Variants in RPS6KA5 observed in about 807,000 individuals in gnomAD.
RPS6KA5 encodes the protein ribosomal protein S6 kinase alpha-5.
A neutral mutation model predicts 85.5 loss-of-function variants in RPS6KA5; 27 were observed. That is an observed-to-expected ratio of 0.32 (90% confidence interval 0.23 to 0.44). The LOEUF is 0.44. Among genes scored for constraint, RPS6KA5 ranks in the 20% least tolerant of loss-of-function variants. RPS6KA5 has a pLI of 1.00. For synonymous variants in RPS6KA5, 334 were observed against 348.2 expected (o/e 0.96, Z 0.46); for missense variants, 811 against 980.9 (o/e 0.83, Z 2.31).
At position 91,060,463 on chromosome 14, in the gene RPS6KA5, C is replaced by A; in HGVS notation, c.-29G>T. ...CTCCTTTTTTTCCGATCCCGCGGGT[C>A]GCTACGAGGGGAACCCAGGAGACAG... On this transcript the variant is annotated 5_prime_UTR_variant, in exon 1 of 17. Coordinates refer to ENST00000614987, the MANE Select transcript of RPS6KA5 (RefSeq NM_004755.4). The A allele has an allele frequency of 7.1e-7, 1 of 1,412,226 alleles. No homozygotes were observed. Among genetic ancestry groups the A allele is most frequent in the Non-Finnish European group, 9.4e-7 (1 of 1,068,814 alleles). The allele number at this position is 1,412,226 out of a possible 1,614,324, so 87.5% of individuals were successfully genotyped here. A position where few individuals can be genotyped will look rare whatever the true frequency, so the allele number is the denominator to read the frequency against.
At position 90,978,404 on chromosome 14, in the gene RPS6KA5, C is replaced by T; in HGVS notation, c.296G>A (p.Arg99Lys). The T allele has an allele frequency of 6.2e-7, 1 of 1,614,012 alleles. No homozygotes were observed. Among genetic ancestry groups the T allele is most frequent in the Non-Finnish European group, 8.5e-7 (1 of 1,179,944 alleles). Residue 99 changes from arginine (R) to lysine (K), a missense_variant, in exon 3 of 17, where the codon AGG becomes AAG. Coordinates refer to ENST00000614987, the MANE Select transcript of RPS6KA5 (RefSeq NM_004755.4). ...VQKAKTTEHT[R>K]TERQVLEHIR... ...GTGTTCCAGGACTTGTCGTTCTGTC[C>T]TTGTATGCTCTGTGGTTTTGGCCTT...
At chr14:90,886,117 T>G (rs2140178851) in intron 14 of RPS6KA5, among the ~76,000 whole-genome samples, 1 of 152,152 alleles carries the variant, frequency 6.6e-6, no homozygotes, top group Non-Finnish European at 1.5e-5. Context: ...TTATATATAC[T>G]CATATATATA....
At chr14:90,994,762 C>T (rs28522107) in intron 2 of RPS6KA5, among the ~76,000 whole-genome samples, 2,094 of 150,632 alleles carry the variant, frequency 0.014, 59 homozygotes, top group African/African-American at 0.048. Context: ...TTAGTAGAGA[C>T]GGGGTTTAAC....
chr14:91,045,191 G>A (rs2042819575), intron 1 of RPS6KA5, among the ~76,000 whole-genome samples: 1 of 150,912 alleles, frequency 6.6e-6, no homozygotes, highest in Non-Finnish European at 1.5e-5. Context: ...TCAATAAACA[G>A]CATCTTCAAA....
intron 3 of RPS6KA5, among the ~76,000 whole-genome samples, chr14:90,959,196 G>A (rs565934434): frequency 1.2e-4 from 19 of 152,316 alleles, no homozygotes; most frequent in African/African-American, 3.9e-4. Flanking sequence ...TACTGGAGCC[G>A]TAGTGTACAT....
intron 1 of RPS6KA5, among the ~76,000 whole-genome samples, chr14:91,041,840 A>G (rs2042615574): frequency 1.3e-5 from 2 of 152,248 alleles, no homozygotes; most frequent in African/African-American, 4.8e-5. Flanking sequence ...ATAAAACGGC[A>G]GTGTTTACAT....
chr14:90,964,914 C>CAAAAAAAA (rs10713991), intron 3 of RPS6KA5, among the ~76,000 whole-genome samples: 1 of 70,628 alleles, frequency 1.4e-5, no homozygotes, highest in Non-Finnish European at 2.9e-5. Flanking sequence ...GACCCTGTCT[C>CAAAAAAAA]AAAAAAAAAA....
At chr14:90,976,390 C>T (rs536233776) in intron 3 of RPS6KA5, among the ~76,000 whole-genome samples, 5 of 152,006 alleles carry the variant, frequency 3.3e-5, no homozygotes, top group Non-Finnish European at 5.9e-5. Flanking sequence ...TCAAACAGTC[C>T]TCATGGACTT....
Position 91,060,639 on chromosome 14 carries a change from C to A in RPS6KA5, c.-205G>T, listed in dbSNP as rs946094126. The A allele has an allele frequency of 4.8e-6, 3 of 625,092 alleles. No homozygotes were observed. Among genetic ancestry groups the A allele is most frequent in the Non-Finnish European group, 6.9e-6 (3 of 436,458 alleles). 38.7% of individuals were successfully genotyped at this position (625,092 alleles called of 1,614,324 possible). A position where few individuals can be genotyped will look rare whatever the true frequency, so the allele number is the denominator to read the frequency against. On this transcript the variant is annotated 5_prime_UTR_variant, in exon 1 of 17. Transcript: ENST00000614987. ...CCCCTTCGGCGGGCACCGCTAGTAC[C>A]GCGCAACCAAACCGCCCCCTGCTCC...
At chr14:90,912,057 G>A (rs1347438122) in intron 7 of RPS6KA5, among the ~76,000 whole-genome samples, 1 of 152,010 alleles carries the variant, frequency 6.6e-6, no homozygotes, top group Non-Finnish European at 1.5e-5. Context: ...TTCCCTGACA[G>A]CCCACCCCCA....
intron 1 of RPS6KA5, among the ~76,000 whole-genome samples, chr14:91,005,231 C>A (rs1341879241): frequency 6.6e-6 from 1 of 152,154 alleles, no homozygotes; most frequent in Non-Finnish European, 1.5e-5. Flanking sequence ...TTCTGACAGT[C>A]TACTATTTTT....
intron 14 of RPS6KA5, among the ~76,000 whole-genome samples, chr14:90,887,539 A>C (rs886811326): frequency 6.6e-6 from 1 of 152,132 alleles, no homozygotes. Flanking sequence ...TCTAAAAAAA[A>C]TTAGTAGTAA....
At chr14:90,988,439 A>G (rs930192183) in intron 2 of RPS6KA5, among the ~76,000 whole-genome samples, 4 of 152,224 alleles carry the variant, frequency 2.6e-5, no homozygotes, top group African/African-American at 9.6e-5. Flanking sequence ...TATTACTCAT[A>G]TCATGTATAT....
chr14:91,048,562 A>G (rs553912989), intron 1 of RPS6KA5, among the ~76,000 whole-genome samples: 1 of 152,318 alleles, frequency 6.6e-6, no homozygotes, highest in South Asian at 2.1e-4. Context: ...GGAGTATATA[A>G]AATAGAACTT....
chr14:90,952,892 C>G (rs1443722629), intron 3 of RPS6KA5, among the ~76,000 whole-genome samples: 2 of 152,216 alleles, frequency 1.3e-5, no homozygotes, highest in Admixed American at 6.5e-5. Flanking sequence ...GGCGTTAGAT[C>G]AGGTGGCACA....
chr14:91,035,284 T>C (rs886952240), intron 1 of RPS6KA5, among the ~76,000 whole-genome samples: 1 of 151,386 alleles, frequency 6.6e-6, no homozygotes, highest in Non-Finnish European at 1.5e-5. Flanking sequence ...AGACAGAGTA[T>C]TACAACCTTC....
intron 1 of RPS6KA5, among the ~76,000 whole-genome samples, chr14:91,041,576 C>G (rs1490977809): frequency 2.0e-5 from 3 of 152,262 alleles, no homozygotes; most frequent in East Asian, 1.9e-4. Flanking sequence ...CCAATTAGCC[C>G]AAGTCTAGGG....
intron 14 of RPS6KA5, among the ~76,000 whole-genome samples, chr14:90,878,561 G>A (rs907006129): frequency 2.0e-5 from 3 of 152,228 alleles, no homozygotes; most frequent in South Asian, 2.1e-4. Flanking sequence ...AGAAAGGAAA[G>A]CAGAGCAAAG....
At chr14:90,925,621 A>G (rs2036616011) in intron 5 of RPS6KA5, among the ~76,000 whole-genome samples, 1 of 152,148 alleles carries the variant, frequency 6.6e-6, no homozygotes, top group South Asian at 2.1e-4. Context: ...GATATTACTA[A>G]ATAAGTGAAC....
Sources: gnomAD v4.1 joint callset for allele counts (sites outside exome capture counted in the v4.1 genomes callset) on GRCh38, gnomAD v4.1.1 for gene constraint, MANE v1.5 for transcripts, NCBI Gene and HGNC (gene_info 2026-07-23, HGNC 2026-07-21) for gene names.